ZDHHC1: variants seen among roughly 807,000 people sequenced by gnomAD.
ZDHHC1 encodes the protein palmitoyltransferase ZDHHC1.
In ZDHHC1, 45 loss-of-function variants were observed where a neutral mutation model predicts 46.9. The observed-to-expected ratio is 0.96, with a 90% CI of 0.76 to 1.23. ZDHHC1 has a LOEUF of 1.23. ZDHHC1 is among the 50% of genes most tolerant of loss of function. The probability of loss-of-function intolerance (pLI) is 0.00; values close to 1 mark genes in which losing one functional copy is unlikely to be tolerated. For missense variants in ZDHHC1, 649 were observed against 670.8 expected, an observed-to-expected ratio of 0.97 and a Z score of 0.36; for synonymous variants, 291 against 286.0, an observed-to-expected ratio of 1.02 and a Z score of -0.18.
At chr16:67,394,949 C>A in intron 11 of ZDHHC1, 53 bp downstream of exon 11, 1 of 1,567,972 alleles carries the variant, frequency 6.4e-7, no homozygotes, top group Non-Finnish European at 8.6e-7. Flanking sequence ...GTGGCTCTGC[C>A]TTCCCCTCCC....
chr16:67,412,434 C>CTA (rs1275134759), intron 1 of ZDHHC1, among the ~76,000 whole-genome samples: 22 of 152,040 alleles, frequency 1.4e-4, no homozygotes, highest in Admixed American at 1.4e-3. Context: ...CTCGTGTGAT[C>CTA]TAGAGCCCTG....
At chr16:67,395,689 G>C in intron 8 of ZDHHC1, 123 bp from the exon 9 acceptor site, 1 of 966,172 alleles carries the variant, frequency 1.0e-6, no homozygotes, top group East Asian at 2.6e-5. Flanking sequence ...CTCATGCCAG[G>C]CTCCCAGCCA....
rs972386421 is a variant in ZDHHC1, at chr16:67,395,077, G to C, written c.1105-15C>G. Reference sequence around the variant, plus strand: ...TTCCTCTTTTTCTGCAGAGACACGGGGGAGCCTGAGGGCCCCACATCGCCA... The same window carrying C: ...TTCCTCTTTTTCTGCAGAGACACGGCGGAGCCTGAGGGCCCCACATCGCCA... On this transcript the variant is annotated splice_polypyrimidine_tract_variant and intron_variant, in intron 10 of 11. Transcript: ENST00000565726. The C allele has an allele frequency of 1.2e-6, 2 of 1,613,246 alleles. No individual in the cohort carries two copies. The highest frequency in any genetic ancestry group is 8.5e-7 in the Non-Finnish European group (1 of 1,179,950).
chr16:67,406,440 C>G lies in ZDHHC1; in HGVS notation c.12G>C (p.Met4Ile). MYK[M>I]NICNKPSNKT... ...TGTTGGAGGGCTTGTTGCAGATGTT[C>G]ATCTCCAGAGGGAGAAACAGTAGAG... is the stretch of plus-strand genomic sequence containing the variant. The change falls in exon 3 of 12, where the codon ATG becomes ATC. Residue 4 changes from methionine (M) to isoleucine (I), a missense_variant and splice_region_variant. Coordinates refer to ENST00000565726, the MANE Select transcript of ZDHHC1 (RefSeq NM_001323627.2). The surrounding 1 kb of genome is among the most constrained non-coding windows in gnomAD (Gnocchi z 4.1). 6.5e-7 allele frequency: 1 copy of G among 1,534,562 alleles called. No individual in the cohort carries two copies. The highest frequency in any genetic ancestry group is 8.8e-7 in the Non-Finnish European group (1 of 1,139,292).
At position 67,398,333 on chromosome 16, in the gene ZDHHC1, G is replaced by A. The variant is rs1361507683; in HGVS notation, c.815-9C>T. On this transcript the variant is annotated splice_polypyrimidine_tract_variant and intron_variant, in intron 7 of 11. Coordinates refer to ENST00000565726, the MANE Select transcript of ZDHHC1 (RefSeq NM_001323627.2). The stretch of plus-strand genomic sequence containing the variant: ...GGTGAGCTTGTGCCACACTGGTGGG[G>A]GGAGGAGAGGGCTCAGTGCGGTGGA... 1 of 1,611,326 alleles carries A rather than the reference G, an allele frequency of 6.2e-7. No homozygotes were observed. Among genetic ancestry groups the A allele is most frequent in the Non-Finnish European group, 8.5e-7 (1 of 1,178,544 alleles).
rs147328895 is a variant in ZDHHC1, at chr16:67,403,105, G to A, written c.253-1973C>T. On this transcript the variant is annotated intron_variant, in intron 3 of 11. Coordinates refer to ENST00000565726, the MANE Select transcript of ZDHHC1 (RefSeq NM_001323627.2). ...GGATTCCAGGGACCTGGCAGGCAAA[G>A]AGGAAAGGGGGCCTGGCTAGGGACT... 9.2e-5 allele frequency among the ~76,000 whole-genome samples: 14 copies of A among 152,310 alleles called. No individual in the cohort carries two copies. In the East Asian group the frequency reaches 2.5e-3, roughly 27 times the overall value.
In ZDHHC1 at chr16:67,394,578, C is replaced by T; in HGVS notation, c.*32G>A. ...GTTGCATAGAGAGTCAGGCCGGCCG[C>T]TCTAACTCGGCCCTCCGGCCTCTCG... On this transcript the variant is annotated 3_prime_UTR_variant, in exon 12 of 12. Transcript: ENST00000565726. 5 of 1,150,818 alleles carry T rather than the reference C, an allele frequency of 4.3e-6. No homozygotes were observed. Among genetic ancestry groups the T allele is most frequent in the Non-Finnish European group, 5.3e-6 (5 of 936,478 alleles). The allele number at this position is 1,150,818 out of a possible 1,614,324, so 71.3% of individuals were successfully genotyped here.
intron 5 of ZDHHC1, 28 bp from the exon 6 acceptor site, chr16:67,398,972 C>A: frequency 6.2e-7 from 1 of 1,606,044 alleles, no homozygotes. Flanking sequence ...TCGCTGTCAG[C>A]TCCCCGGAGC....
rs533049788 is a variant in ZDHHC1, at chr16:67,397,419, A to G, written c.927+793T>C. Among the ~76,000 whole-genome samples the G allele has an allele frequency of 3.5e-3, 535 of 152,304 alleles. 3 individuals are homozygous for G. The highest frequency in any genetic ancestry group is 0.012 in the African/African-American group (485 of 41,572). On this transcript the variant is annotated intron_variant, in intron 8 of 11. Coordinates refer to ENST00000565726, the MANE Select transcript of ZDHHC1 (RefSeq NM_001323627.2). Reference sequence around the variant, plus strand: ...CCCACAGCCAGCATGCCCCAGGCCCAGGCCTGCCCAGTCCTGGCAGCCTGG... The same window carrying G: ...CCCACAGCCAGCATGCCCCAGGCCCGGGCCTGCCCAGTCCTGGCAGCCTGG...
Position 67,394,559 on chromosome 16 carries a change from T to A in ZDHHC1, c.*51A>T. On this transcript the variant is annotated 3_prime_UTR_variant, in exon 12 of 12. Transcript: ENST00000565726. The stretch of plus-strand genomic sequence containing the variant: ...GGTGCGGCAAGGATGGGGTGTTGCA[T>A]AGAGAGTCAGGCCGGCCGCTCTAAC... The A allele has an allele frequency of 8.9e-7, 1 of 1,128,998 alleles. No homozygotes were observed. The highest frequency in any genetic ancestry group is 1.1e-6 in the Non-Finnish European group (1 of 923,140). 69.9% of individuals were successfully genotyped at this position (1,128,998 alleles called of 1,614,324 possible). A position where few individuals can be genotyped will look rare whatever the true frequency, so the allele number is the denominator to read the frequency against.
intron 8 of ZDHHC1, among the ~76,000 whole-genome samples, chr16:67,397,953 C>T (rs2040463369): frequency 2.0e-5 from 3 of 152,236 alleles, no homozygotes; most frequent in Non-Finnish European, 4.4e-5. Flanking sequence ...TGCTTGCTTC[C>T]AGGCTCCCAC....
At position 67,416,299 on chromosome 16, in the gene ZDHHC1, G is replaced by A. The variant is rs938026295; in HGVS notation, c.-167C>T. ...ACCCTCGCGGTAGGGACGGTCCCCG[G>A]GACTGGGCGGCAACGCGCCCGGGAG... On this transcript the variant is annotated 5_prime_UTR_variant, in exon 1 of 12. Coordinates refer to ENST00000565726, the MANE Select transcript of ZDHHC1 (RefSeq NM_001323627.2). The A allele has an allele frequency of 1.9e-5, 3 of 159,576 alleles. No homozygotes were observed. Among genetic ancestry groups the A allele is most frequent in the African/African-American group, 7.2e-5 (3 of 41,482 alleles). The allele number at this position is 159,576 out of a possible 1,614,324, so 9.9% of individuals were successfully genotyped here.
At chr16:67,408,799 C>T (rs904419220) in intron 1 of ZDHHC1, among the ~76,000 whole-genome samples, 1 of 152,180 alleles carries the variant, frequency 6.6e-6, no homozygotes, top group Non-Finnish European at 1.5e-5. Flanking sequence ...CTTTCTTTTG[C>T]ATGTCCCCAA....
chr16:67,395,658 C>A, intron 8 of ZDHHC1, 92 bp from the exon 9 acceptor site: 1 of 1,254,092 alleles, frequency 8.0e-7, no homozygotes, highest in African/African-American at 1.5e-5. Context: ...CCCTCATTGG[C>A]CTCTGTGGGA....
chr16:67,400,824 G>A (rs1036886225), intron 4 of ZDHHC1, 133 bp downstream of exon 4: 18 of 1,009,232 alleles, frequency 1.8e-5, no homozygotes, highest in African/African-American at 9.7e-5. Flanking sequence ...ACTCTGTCAC[G>A]CCATCAAGGT....
chr16:67,413,477 A>G (rs906342046), intron 1 of ZDHHC1, among the ~76,000 whole-genome samples: 14 of 152,210 alleles, frequency 9.2e-5, no homozygotes, highest in Non-Finnish European at 4.4e-5. Flanking sequence ...GTGCCAGAGA[A>G]GTCTCTGGCC....
At chr16:67,414,813 G>T (rs1312343336) in intron 1 of ZDHHC1, among the ~76,000 whole-genome samples, 2 of 152,200 alleles carry the variant, frequency 1.3e-5, no homozygotes, top group African/African-American at 4.8e-5. Context: ...CTGACTTCCC[G>T]GTATGTCTGT....
In ZDHHC1 at chr16:67,398,820, C is replaced by T; in HGVS notation, c.655G>A (p.Val219Ile). The change falls in exon 6 of 12, where the codon GTC becomes ATC. Residue 219 changes from valine (V) to isoleucine (I), a missense_variant and splice_region_variant. Physicochemically the swap from Val to Ile is conservative, Grantham distance 29 (BLOSUM62 3). Transcript: ENST00000565726. The part of the protein sequence containing the change: ...MRLRTNRHFE[V>I]LKNHTDVWFV... The stretch of plus-strand genomic sequence containing the variant: ...GAATAGGCCCGGAGCCTAAACTGAC[C>T]TTCAAAGTGTCGGTTGGTGCGCAGA... 1.9e-6 allele frequency: 3 copies of T among 1,612,728 alleles called. No individual in the cohort carries two copies. Among genetic ancestry groups the T allele is most frequent in the South Asian group, 1.1e-5 (1 of 90,778 alleles).
At chr16:67,396,695 G>T (rs1036057474) in intron 8 of ZDHHC1, among the ~76,000 whole-genome samples, 6 of 152,210 alleles carry the variant, frequency 3.9e-5, no homozygotes, top group Non-Finnish European at 8.8e-5. Context: ...GGGCCGAGGA[G>T]CGCGGGGTCA....
Sources: allele counts gnomAD v4.1 joint callset (sites outside exome capture counted in the v4.1 genomes callset), GRCh38; gene constraint gnomAD v4.1.1; non-coding constraint Gnocchi (gnomAD v3.1); transcripts MANE v1.5; gene names NCBI Gene and HGNC (gene_info 2026-07-23, HGNC 2026-07-21).